The following FAT4 variants were observed in gnomAD, a reference collection of about 807,000 sequenced individuals.
FAT4 encodes protocadherin Fat 4.
Under a neutral mutation model 303.9 loss-of-function variants are expected in FAT4, and 84 were observed. The ratio of observed to expected loss-of-function variants is 0.28; its 90% CI spans 0.23 to 0.33. The LOEUF is 0.33. Ranked by LOEUF, FAT4 falls within the 10% of genes least tolerant of loss-of-function variation. FAT4 has a pLI of 1.00. For missense variants in FAT4, 6,005 were observed against 6,146.8 expected, an observed-to-expected ratio of 0.98 and a Z score of 0.77; for synonymous variants, 2,307 against 2,298.8, an observed-to-expected ratio of 1.00 and a Z score of -0.10.
At chr4:125,368,753 G>C (rs949684776) in intron 2 of FAT4, among the ~76,000 whole-genome samples, 3 of 151,728 alleles carry the variant, frequency 2.0e-5, no homozygotes, top group African/African-American at 7.3e-5. Context: ...GAGAGAGAGA[G>C]AGAAAGAGAA....
Position 125,490,600 on chromosome 4 carries a change from A to G in FAT4, c.13784A>G (p.Tyr4595Cys). The change falls in exon 18 of 18, where the codon TAT becomes TGT. Residue 4595 changes from tyrosine to cysteine, a missense_variant. Physicochemically the swap from Tyr to Cys is radical, Grantham distance 194. Coordinates refer to ENST00000394329, the MANE Select transcript of FAT4 (RefSeq NM_001291303.3). ...GAAAGGGAAAACCCCTACCTTATCT[A>G]TGATGAAACTGATATTCCTCACAAC... ...IIERENPYLI[Y>C]DETDIPHNSE... 6.2e-7 allele frequency: 1 copy of G among 1,614,180 alleles called. No individual in the cohort carries two copies. Among genetic ancestry groups the G allele is most frequent in the Non-Finnish European group, 8.5e-7 (1 of 1,180,034 alleles).
Position 125,479,819 on chromosome 4 carries a change from G to T in FAT4, c.12558G>T (p.Gln4186His), listed in dbSNP as rs565230054. 1 of 1,602,282 alleles carries T rather than the reference G, an allele frequency of 6.2e-7. No individual in the cohort carries two copies. Among genetic ancestry groups the T allele is most frequent in the Non-Finnish European group, 8.5e-7 (1 of 1,171,588 alleles). Reference protein sequence around the residue: ...GGTCMDYWSWQQCHCKEGLTG... With the variant: ...GGTCMDYWSWHQCHCKEGLTG... ...CATGTATGGATTACTGGTCATGGCAGCAGTGTCATTGCAAAGAGGGACTCA... is the reference window on the plus strand; with the variant it reads ...CATGTATGGATTACTGGTCATGGCATCAGTGTCATTGCAAAGAGGGACTCA... Residue 4186 changes from glutamine to histidine, a missense_variant, in exon 15 of 18, where the codon CAG becomes CAT. By Grantham distance (24) the Gln-to-His change is conservative (BLOSUM62 0). Transcript: ENST00000394329.
intron 2 of FAT4, among the ~76,000 whole-genome samples, chr4:125,343,569 T>C (rs528716876): frequency 6.6e-6 from 1 of 152,324 alleles, no homozygotes; most frequent in Admixed American, 6.5e-5. Flanking sequence ...TATCTTAGAA[T>C]TTTGAACACA....
chr4:125,427,703 A>G (rs1725131296), intron 7 of FAT4, among the ~76,000 whole-genome samples: 1 of 152,186 alleles, frequency 6.6e-6, no homozygotes, highest in Admixed American at 6.5e-5. Flanking sequence ...GGAAAAAAAG[A>G]AGCTAATACT....
rs753528037 is a variant in FAT4, at chr4:125,415,638, C to T, written c.6675C>T (p.Tyr2225=). 6.2e-7 allele frequency: 1 copy of T among 1,614,064 alleles called. No individual in the cohort carries two copies. The highest frequency in any genetic ancestry group is 1.7e-5 in the Admixed American group (1 of 60,000). The change falls in exon 6 of 18, where the codon TAC becomes TAT. Residue 2225 remains tyrosine (Y), a synonymous_variant. Coordinates refer to ENST00000394329, the MANE Select transcript of FAT4 (RefSeq NM_001291303.3). ...KPLDREKTPT[Y]HLTVQATDRG... Reference sequence around the variant, plus strand: ...TGGATAGAGAAAAGACCCCTACCTACCATTTAACTGTTCAGGCAACAGATC... The same window carrying T: ...TGGATAGAGAAAAGACCCCTACCTATCATTTAACTGTTCAGGCAACAGATC...
At position 125,490,337 on chromosome 4, in the gene FAT4, G is replaced by A. The variant is rs1444614329; in HGVS notation, c.13521G>A (p.Val4507=). ...PEEISLPLWA[V]PAIVGSCATV... is the part of the protein sequence containing the mutation. ...AGATCTCTCTGCCTTTGTGGGCTGT[G>A]CCTGCCATCGTGGGCAGCTGCGCAA... The change falls in exon 18 of 18, where the codon GTG becomes GTA. Residue 4507 remains valine (V), a synonymous_variant. Transcript: ENST00000394329. 5.0e-6 allele frequency: 8 copies of A among 1,614,130 alleles called. No homozygotes were observed. The South Asian group carries it at 7.7e-5, about 16-fold the overall frequency.
chr4:125,434,371 A>G lies in FAT4; in HGVS notation c.7145A>G (p.Asp2382Gly). The G allele has an allele frequency of 6.2e-7, 1 of 1,614,014 alleles. No individual in the cohort carries two copies. The highest frequency in any genetic ancestry group is 8.5e-7 in the Non-Finnish European group (1 of 1,179,946). Reference sequence around the variant, plus strand: ...CCTGAGGATGCACCAACTGGAACAGATGTTTTATTGGTAAATGCCTCAGAT... The same window carrying G: ...CCTGAGGATGCACCAACTGGAACAGGTGTTTTATTGGTAAATGCCTCAGAT... ...TIPEDAPTGT[D>G]VLLVNASDAD... The change falls in exon 8 of 18, where the codon GAT (aspartate) becomes GGT (glycine). Residue 2382 changes from aspartate (D) to glycine (G), a missense_variant. By Grantham distance (94) the Asp-to-Gly change is moderately conservative. Transcript: ENST00000394329.
chr4:125,402,406 G>A (rs1169139739), intron 3 of FAT4, among the ~76,000 whole-genome samples: 1 of 151,974 alleles, frequency 6.6e-6, no homozygotes, highest in Non-Finnish European at 1.5e-5. Context: ...AGTGTGGTCA[G>A]ATGAGAATTC....
Position 125,319,253 on chromosome 4 carries a change from A to G in FAT4, c.2842A>G (p.Thr948Ala), listed in dbSNP as rs1276932869. 12 of 1,614,198 alleles carry G rather than the reference A, an allele frequency of 7.4e-6. No homozygotes were observed. Among genetic ancestry groups the G allele is most frequent in the South Asian group, 1.1e-5 (1 of 91,080 alleles). Residue 948 changes from threonine to alanine, a missense_variant, in exon 2 of 18, where the codon ACT becomes GCT. By Grantham distance (58) the Thr-to-Ala change is moderately conservative. Transcript: ENST00000394329. ...GTTTGCTATCAATGAAAAGAATGGC[A>G]CTATTAGTCTGCTTGGGCCCCTGGA... ...NLFAINEKNGTISLLGPLDVH... is the reference protein window; with the variant it reads ...NLFAINEKNGAISLLGPLDVH...
chr4:125,475,610 C>CA, intron 12 of FAT4, among the ~76,000 whole-genome samples: 1 of 151,914 alleles, frequency 6.6e-6, no homozygotes, highest in East Asian at 1.9e-4. Flanking sequence ...TTATTCTTAA[C>CA]AAAAATGAGA....
At position 125,317,418 on chromosome 4, in the gene FAT4, G is replaced by T. The variant is rs377592148; in HGVS notation, c.1007G>T (p.Arg336Leu). The T allele has an allele frequency of 1.2e-6, 2 of 1,613,458 alleles. No individual in the cohort carries two copies. Among genetic ancestry groups the T allele is most frequent in the African/African-American group, 1.3e-5 (1 of 74,948 alleles). Residue 336 changes from arginine (R) to leucine (L), a missense_variant, in exon 2 of 18, where the codon CGC becomes CTC. By Grantham distance (102) the Arg-to-Leu change is moderately radical. Coordinates refer to ENST00000394329, the MANE Select transcript of FAT4 (RefSeq NM_001291303.3). The surrounding 1 kb of genome is among the most constrained non-coding windows in gnomAD (Gnocchi z 7.0). ...MDRGVPSLTG[R>L]AEALIQLLDV... is the part of the protein sequence containing the mutation. ...AGAGGCGTGCCTTCCCTCACTGGGC[G>T]CGCCGAGGCGCTGATTCAGCTGCTG...
At chr4:125,354,868 C>T (rs541918774) in intron 2 of FAT4, among the ~76,000 whole-genome samples, 302 of 151,536 alleles carry the variant, frequency 2.0e-3, no homozygotes, top group African/African-American at 6.9e-3. Context: ...AGGAACTGTT[C>T]AAAGCAGTAC....
rs763521782 is a variant in FAT4, at chr4:125,319,263, T to C, written c.2852T>C (p.Leu951Pro). Residue 951 changes from leucine (L) to proline (P), a missense_variant, in exon 2 of 18, where the codon CTG becomes CCG. Physicochemically the swap from Leu to Pro is moderately conservative, Grantham distance 98. Coordinates refer to ENST00000394329, the MANE Select transcript of FAT4 (RefSeq NM_001291303.3). ...AINEKNGTIS[L>P]LGPLDVHAGS... ...AATGAAAAGAATGGCACTATTAGTC[T>C]GCTTGGGCCCCTGGATGTTCATGCT... is the stretch of plus-strand genomic sequence containing the variant. The C allele has an allele frequency of 6.2e-7, 1 of 1,614,200 alleles. No individual in the cohort carries two copies. The highest frequency in any genetic ancestry group is 1.7e-5 in the Admixed American group (1 of 60,034).
intron 8 of FAT4, among the ~76,000 whole-genome samples, chr4:125,445,259 A>G (rs1578650945): frequency 6.6e-6 from 1 of 152,258 alleles, no homozygotes; most frequent in East Asian, 1.9e-4. Context: ...TCACTAAAGT[A>G]GGATAAAAAA....
chr4:125,436,049 G>C (rs1417112243), intron 8 of FAT4, among the ~76,000 whole-genome samples: 1 of 149,680 alleles, frequency 6.7e-6, no homozygotes, highest in African/African-American at 2.5e-5. Context: ...ATGGGGTCGG[G>C]GGAGGGGGGG....
chr4:125,334,419 A>T (rs1302775336), intron 2 of FAT4, among the ~76,000 whole-genome samples: 1 of 152,046 alleles, frequency 6.6e-6, no homozygotes, highest in Non-Finnish European at 1.5e-5. Context: ...AACAGCTATA[A>T]CCTTTCTTTT....
chr4:125,315,749 T>C lies in FAT4; in HGVS notation c.-241T>C, dbSNP rs766120130. ...CGAACGCTAGCGCTTGGAACGCAGT[T>C]CCCGAACTGCCTGCGCGCAGACGCC... On this transcript the variant is annotated 5_prime_UTR_variant, in exon 1 of 18. Transcript: ENST00000394329. Among the ~76,000 whole-genome samples, 1 of 152,082 alleles carries C rather than the reference T, an allele frequency of 6.6e-6. No homozygotes were observed. The highest frequency in any genetic ancestry group is 1.5e-5 in the Non-Finnish European group (1 of 68,008).
rs998370870 is a variant in FAT4 at position 125,468,745 on chromosome 4, A to G, written c.12139A>G (p.Thr4047Ala). The G allele has an allele frequency of 1.1e-5, 18 of 1,614,056 alleles. No individual in the cohort carries two copies. Among genetic ancestry groups the G allele is most frequent in the Non-Finnish European group, 1.4e-5 (16 of 1,180,018 alleles). ...LRFSYNLGSGTYKLTTMKKVS... is the reference protein window; with the variant it reads ...LRFSYNLGSGAYKLTTMKKVS... ...ATTCTCTTATAATTTAGGCAGTGGT[A>G]CATATAAGCTCACCACCATGAAGAA... Residue 4047 changes from threonine to alanine, a missense_variant, in exon 12 of 18, where the codon ACA (threonine) becomes GCA (alanine). Physicochemically the swap from Thr to Ala is moderately conservative, Grantham distance 58. Transcript: ENST00000394329.
At chr4:125,466,063 T>A (rs930663209) in intron 11 of FAT4, among the ~76,000 whole-genome samples, 14 of 152,194 alleles carry the variant, frequency 9.2e-5, no homozygotes, top group Non-Finnish European at 1.5e-4. Context: ...TTTTGCACTG[T>A]TTAGCTTCTC....
Sources: gnomAD v4.1 joint callset for allele counts (sites outside exome capture counted in the v4.1 genomes callset) on GRCh38, gnomAD v4.1.1 for gene constraint, Gnocchi (gnomAD v3.1) non-coding constraint, MANE v1.5 for transcripts, NCBI Gene and HGNC (gene_info 2026-07-23, HGNC 2026-07-21) for gene names.